The following RASSF9 variants were observed in gnomAD, a reference collection of about 807,000 sequenced individuals.
The protein encoded by RASSF9 is Ras association domain family member 9.
Under a neutral mutation model 21.4 loss-of-function variants are expected in RASSF9, and 18 were observed. The observed-to-expected ratio is 0.84, with a 90% CI of 0.58 to 1.25. RASSF9 has a LOEUF of 1.25. Ranked by LOEUF, RASSF9 falls within the 50% of genes most tolerant of loss-of-function variation. RASSF9 has a pLI of 0.00. For missense variants in RASSF9, 480 were observed against 503.2 expected (o/e 0.95, Z 0.44); for synonymous variants, 183 against 179.1 (o/e 1.02, Z -0.18).
chr12:85,824,768 C>T (rs916809495), intron 1 of RASSF9, among the ~76,000 whole-genome samples: 1 of 152,144 alleles, frequency 6.6e-6, no homozygotes, highest in East Asian at 1.9e-4. Flanking sequence ...GAACAACCTG[C>T]TGTTACACAT....
intron 1 of RASSF9, among the ~76,000 whole-genome samples, chr12:85,830,767 G>A (rs1880433224): frequency 6.6e-6 from 1 of 151,922 alleles, no homozygotes; most frequent in Non-Finnish European, 1.5e-5. Flanking sequence ...TAAATACTTT[G>A]TACTTGTATG....
At chr12:85,812,299 T>C (rs528392258) in intron 1 of RASSF9, among the ~76,000 whole-genome samples, 1 of 151,570 alleles carries the variant, frequency 6.6e-6, no homozygotes. Context: ...AAATATATCC[T>C]AAGGTTTTCA....
At chr12:85,830,196 A>G (rs990230631) in intron 1 of RASSF9, among the ~76,000 whole-genome samples, 4 of 151,996 alleles carry the variant, frequency 2.6e-5, no homozygotes, top group African/African-American at 9.7e-5. Context: ...TTCTAGGGGG[A>G]TGAGGGGAGG....
At chr12:85,827,526 A>G (rs796480695) in intron 1 of RASSF9, among the ~76,000 whole-genome samples, 3 of 152,138 alleles carry the variant, frequency 2.0e-5, no homozygotes, top group African/African-American at 7.2e-5. Context: ...CCTTCAATGG[A>G]TTTCCCTTGC....
chr12:85,813,740 C>T (rs1880002718), intron 1 of RASSF9, among the ~76,000 whole-genome samples: 1 of 151,516 alleles, frequency 6.6e-6, no homozygotes, highest in African/African-American at 2.4e-5. Flanking sequence ...ATACCAAACC[C>T]TTTCAAAATA....
At chr12:85,834,435 C>G (rs994407059) in intron 1 of RASSF9, among the ~76,000 whole-genome samples, 3 of 151,944 alleles carry the variant, frequency 2.0e-5, no homozygotes, top group African/African-American at 7.2e-5. Flanking sequence ...CTCACCTCCT[C>G]GAAAGAAAGC....
chr12:85,801,442 A>T lies in RASSF9; in HGVS notation c.*3260T>A, dbSNP rs1003439083. 6.6e-6 allele frequency: 1 copy of T among 152,194 alleles called. No individual in the cohort carries two copies. Among genetic ancestry groups the T allele is most frequent in the East Asian group, 1.9e-4 (1 of 5,200 alleles). The allele number at this position is 152,194 out of a possible 1,614,324, so 9.4% of individuals were successfully genotyped here. Reference sequence around the variant, plus strand: ...CAAACCTCTAAAATTTAGCCACTCAATTCAAAAAGGGAGCAGGGGGCAAAG... The same window carrying T: ...CAAACCTCTAAAATTTAGCCACTCATTTCAAAAAGGGAGCAGGGGGCAAAG... On this transcript the variant is annotated 3_prime_UTR_variant, in exon 2 of 2. Coordinates refer to ENST00000361228, the MANE Select transcript of RASSF9 (RefSeq NM_005447.4).
In RASSF9 at chr12:85,804,488, C is replaced by T; in HGVS notation, c.*214G>A. 2.2e-6 allele frequency: 1 copy of T among 462,774 alleles called. No individual in the cohort carries two copies. Among genetic ancestry groups the T allele is most frequent in the Non-Finnish European group, 3.8e-6 (1 of 266,030 alleles). The allele number at this position is 462,774 out of a possible 1,614,324, so 28.7% of individuals were successfully genotyped here. ...CTACAACGACAAGCTATTTGTGCTGCATTCGTGATAAATAGTTCATTGCTT... is the reference window on the plus strand; with the variant it reads ...CTACAACGACAAGCTATTTGTGCTGTATTCGTGATAAATAGTTCATTGCTT... On this transcript the variant is annotated 3_prime_UTR_variant, in exon 2 of 2. Coordinates refer to ENST00000361228, the MANE Select transcript of RASSF9 (RefSeq NM_005447.4).
intron 1 of RASSF9, among the ~76,000 whole-genome samples, chr12:85,834,515 T>C (rs538894282): frequency 6.6e-6 from 1 of 152,110 alleles, no homozygotes; most frequent in East Asian, 1.9e-4. Flanking sequence ...TGCACTTCCC[T>C]GAGGGAAACT....
chr12:85,820,312 G>A (rs1053023525), intron 1 of RASSF9, among the ~76,000 whole-genome samples: 1 of 152,092 alleles, frequency 6.6e-6, no homozygotes, highest in Non-Finnish European at 1.5e-5. Flanking sequence ...TGATCTTATG[G>A]TTCACAAACC....
intron 1 of RASSF9, among the ~76,000 whole-genome samples, chr12:85,814,040 A>C (rs933748886): frequency 6.6e-6 from 1 of 152,030 alleles, no homozygotes; most frequent in Non-Finnish European, 1.5e-5. Flanking sequence ...CTTGAAAATC[A>C]GAGTCTGGAC....
intron 1 of RASSF9, among the ~76,000 whole-genome samples, chr12:85,821,154 A>G (rs1880202079): frequency 6.6e-6 from 1 of 152,104 alleles, no homozygotes; most frequent in Non-Finnish European, 1.5e-5. Flanking sequence ...AAAAAATAAA[A>G]GAAAAAAAAA....
In RASSF9 at chr12:85,830,574, AG is replaced by A. The variant is rs370623926; in HGVS notation, c.47+5580del. The stretch of plus-strand genomic sequence containing the variant: ...ACCTATACTCAATGATTTTTTTAAC[AG>A]AATGTTTAAATCACTTCATTTATAA... On this transcript the variant is annotated intron_variant, in intron 1 of 1. Transcript: ENST00000361228. 2.1e-4 allele frequency among the ~76,000 whole-genome samples: 32 copies of A among 152,256 alleles called. No homozygotes were observed. In the East Asian group the frequency reaches 6.0e-3, roughly 28 times the overall value.
chr12:85,817,896 TAAGTA>T (rs1399093942), intron 1 of RASSF9, among the ~76,000 whole-genome samples: 1 of 152,160 alleles, frequency 6.6e-6, no homozygotes, highest in African/African-American at 2.4e-5. Flanking sequence ...ACAATAAAGT[TAAGTA>T]GTCTTTAATA....
At chr12:85,835,736 T>C (rs1158271395) in intron 1 of RASSF9, among the ~76,000 whole-genome samples, 1 of 152,206 alleles carries the variant, frequency 6.6e-6, no homozygotes, top group African/African-American at 2.4e-5. Flanking sequence ...ACTAGTTACA[T>C]CTTTATCAAA....
At chr12:85,828,472 A>G (rs951612150) in intron 1 of RASSF9, among the ~76,000 whole-genome samples, 4 of 152,062 alleles carry the variant, frequency 2.6e-5, no homozygotes, top group African/African-American at 9.7e-5. Flanking sequence ...GTATCACATA[A>G]ATATATATAT....
intron 1 of RASSF9, among the ~76,000 whole-genome samples, chr12:85,807,639 C>A (rs1378333599): frequency 6.6e-6 from 1 of 151,952 alleles, no homozygotes; most frequent in Non-Finnish European, 1.5e-5. Context: ...CCCCCCTACC[C>A]AGCACGGAGA....
intron 1 of RASSF9, among the ~76,000 whole-genome samples, chr12:85,822,159 C>G (rs1336548800): frequency 2.0e-5 from 3 of 152,140 alleles, no homozygotes; most frequent in Non-Finnish European, 4.4e-5. Flanking sequence ...AAGAGATTTT[C>G]TTTTGACAGC....
At position 85,801,684 on chromosome 12, in the gene RASSF9, G is replaced by A. The variant is rs1308137150; in HGVS notation, c.*3018C>T. 2 of 152,366 alleles carry A rather than the reference G, an allele frequency of 1.3e-5. No individual in the cohort carries two copies. Among genetic ancestry groups the A allele is most frequent in the Admixed American group, 6.5e-5 (1 of 15,274 alleles). 9.4% of individuals were successfully genotyped at this position (152,366 alleles called of 1,614,324 possible). ...AAAAAAATTAGCCTGGCGTGGTGGC[G>A]GGCGCCTGTAGTCCCAGCTACTCAG... On this transcript the variant is annotated 3_prime_UTR_variant, in exon 2 of 2. Coordinates refer to ENST00000361228, the MANE Select transcript of RASSF9 (RefSeq NM_005447.4).
Sources: allele counts gnomAD v4.1 joint callset (sites outside exome capture counted in the v4.1 genomes callset), GRCh38; gene constraint gnomAD v4.1.1; transcripts MANE v1.5; gene names NCBI Gene and HGNC (gene_info 2026-07-23, HGNC 2026-07-21).